Variants in PPRC1 observed in about 807,000 individuals in gnomAD.
PPRC1 encodes PPARG related coactivator 1.
PPRC1 carries 23 observed loss-of-function variants against 132.5 expected under a neutral mutation model. The ratio of observed to expected loss-of-function variants is 0.17; its 90% CI spans 0.12 to 0.25. The LOEUF is 0.25. PPRC1 is among the 10% of genes least tolerant of loss of function. The pLI is 1.00. For synonymous variants in PPRC1, 872 were observed against 833.5 expected, an observed-to-expected ratio of 1.05 and a Z score of -0.80; for missense variants, 2,006 against 2,089.1, an observed-to-expected ratio of 0.96 and a Z score of 0.78.
intron 1 of PPRC1, among the ~76,000 whole-genome samples, chr10:102,135,094 G>A (rs575300863): frequency 6.6e-5 from 10 of 152,208 alleles, no homozygotes; most frequent in Non-Finnish European, 1.5e-4. Flanking sequence ...AGGATAGACC[G>A]ATGATAAATA....
the PPRC1 span, chr10:102,119,952 C>T: frequency 6.8e-6 from 4 of 588,050 alleles, no homozygotes; most frequent in Admixed American, 4.1e-5. Context: ...CCTGAGGCCC[C>T]GCGTAGCCCT....
At chr10:102,143,161 C>T (rs2069071921) in intron 6 of PPRC1, 63 bp downstream of exon 6, 1 of 1,496,268 alleles carries the variant, frequency 6.7e-7, no homozygotes, top group South Asian at 1.2e-5. Flanking sequence ...TGGGCCCAGC[C>T]CTGTAGTTGC....
the PPRC1 span, among the ~76,000 whole-genome samples, chr10:102,125,493 C>A: frequency 6.6e-6 from 1 of 151,564 alleles, no homozygotes; most frequent in Non-Finnish European, 1.5e-5. Flanking sequence ...CTCTTGACCT[C>A]ATGATCCGCC....
At chr10:102,128,801 A>G (rs2068499757), upstream of PPRC1, among the ~76,000 whole-genome samples, 1 of 150,108 alleles carries the variant, frequency 6.7e-6, no homozygotes, top group Non-Finnish European at 1.5e-5. Context: ...TTTTTGGTAG[A>G]GACGGGGTTT....
chr10:102,128,243 G>C (rs2068492345), upstream of PPRC1, among the ~76,000 whole-genome samples: 1 of 151,830 alleles, frequency 6.6e-6, no homozygotes, highest in South Asian at 2.1e-4. Context: ...TGGTTCAAGC[G>C]ATTCTGCTGC....
At position 102,148,305 on chromosome 10, in the gene PPRC1, C is replaced by T. The variant is rs1170429436; in HGVS notation, c.4401-67C>T. On this transcript the variant is annotated intron_variant, in intron 9 of 13. Coordinates refer to ENST00000278070, the MANE Select transcript of PPRC1 (RefSeq NM_015062.5). This position sits in a 1 kb window ranked among gnomAD's most constrained non-coding sequence, Gnocchi z 4.2. ...CCTAAAAGAAAGGCAGGACTGGGGC[C>T]TGGGTGAGATAAGCAGAGTATACCT... 1 of 1,550,708 alleles carries T rather than the reference C, an allele frequency of 6.4e-7. No individual in the cohort carries two copies. The highest frequency in any genetic ancestry group is 8.8e-7 in the Non-Finnish European group (1 of 1,140,380).
At position 102,146,926 on chromosome 10, in the gene PPRC1, C is replaced by CTAG. The variant is rs768591586; in HGVS notation, c.3936_3938dup (p.Val1313dup). 3.1e-6 allele frequency: 5 copies of CTAG among 1,614,140 alleles called. No individual in the cohort carries two copies. In the Admixed American group the frequency reaches 8.3e-5, roughly 27 times the overall value. ...GACCCCCCCAAAAAAGATGCCTGCCCTAGTCATTCCAGAGGTGGGCTCCCG... is the reference window on the plus strand; with the variant it reads ...GACCCCCCCAAAAAAGATGCCTGCCCTAGTAGTCATTCCAGAGGTGGGCTCCCG... On this transcript the variant is annotated inframe_insertion, in exon 9 of 14. Transcript: ENST00000278070.
At chr10:102,145,216 C>CA in intron 8 of PPRC1, 126 bp downstream of exon 8, 1 of 898,194 alleles carries the variant, frequency 1.1e-6, no homozygotes, top group Non-Finnish European at 1.7e-6. Flanking sequence ...TTGAGATACT[C>CA]ACAGTCTAGG....
Position 102,146,894 on chromosome 10 carries a change from G to A in PPRC1, c.3902G>A (p.Arg1301Gln), listed in dbSNP as rs746405708. 6.2e-6 allele frequency: 10 copies of A among 1,613,852 alleles called. No individual in the cohort carries two copies. Among genetic ancestry groups the A allele is most frequent in the East Asian group, 2.2e-5 (1 of 44,876 alleles). The change falls in exon 9 of 14, where the codon CGG (arginine) becomes CAG (glutamine). Residue 1301 changes from arginine (R) to glutamine (Q), a missense_variant. Physicochemically the swap from Arg to Gln is conservative, Grantham distance 43 (BLOSUM62 1). Coordinates refer to ENST00000278070, the MANE Select transcript of PPRC1 (RefSeq NM_015062.5). ...TCTGGGGACCATGACTATTGTGTCC[G>A]GAGCAGGACCCCCCCAAAAAAGATG... ...VGSGDHDYCV[R>Q]SRTPPKKMPA... is the part of the protein sequence containing the mutation.
At chr10:102,120,789 G>A in the PPRC1 span, among the ~76,000 whole-genome samples, 1 of 152,324 alleles carries the variant, frequency 6.6e-6, no homozygotes. Context: ...GTCTGGCTGA[G>A]CCGGAGCGGG....
chr10:102,138,696 T>C lies in PPRC1; in HGVS notation c.420T>C (p.Ser140=). Residue 140 remains serine (S), a synonymous_variant, in exon 3 of 14, where the codon TCT becomes TCC. Transcript: ENST00000278070. ...ALTEILDNAD[S]ENLSPFDSIP... is the part of the protein sequence containing the mutation. ...CGGAGATCTTGGACAATGCAGATTCTGAGAACCTTTCTCCATTTGACAGCA... is the reference window on the plus strand; with the variant it reads ...CGGAGATCTTGGACAATGCAGATTCCGAGAACCTTTCTCCATTTGACAGCA... The C allele has an allele frequency of 6.2e-7, 1 of 1,614,236 alleles. No individual in the cohort carries two copies. Among genetic ancestry groups the C allele is most frequent in the Non-Finnish European group, 8.5e-7 (1 of 1,180,026 alleles).
Position 102,140,327 on chromosome 10 carries a change from G to C in PPRC1, c.1819G>C (p.Val607Leu). Residue 607 changes from valine to leucine, a missense_variant, in exon 5 of 14, where the codon GTT (valine) becomes CTT (leucine). Val to Leu is a conservative substitution (Grantham distance 32). Transcript: ENST00000278070. ...CCCTGTTCTAGCTGGCCCTGTACCTGTTGACCCTGGGTTGGTTGACCTTGC... is the reference window on the plus strand; with the variant it reads ...CCCTGTTCTAGCTGGCCCTGTACCTCTTGACCCTGGGTTGGTTGACCTTGC... ...VGPVLAGPVPVDPGLVDLAST... is the reference protein window; with the variant it reads ...VGPVLAGPVPLDPGLVDLAST... 6.2e-7 allele frequency: 1 copy of C among 1,614,204 alleles called. No individual in the cohort carries two copies. Among genetic ancestry groups the C allele is most frequent in the Non-Finnish European group, 8.5e-7 (1 of 1,180,048 alleles).
chr10:102,135,106 TAATG>T (rs758885247), intron 1 of PPRC1, among the ~76,000 whole-genome samples: 8 of 152,210 alleles, frequency 5.3e-5, no homozygotes, highest in Non-Finnish European at 8.8e-5. Context: ...TGATAAATAA[TAATG>T]AATGAGACAA....
In PPRC1 at chr10:102,146,987, A is replaced by C; in HGVS notation, c.3995A>C (p.Lys1332Thr). Residue 1332 changes from lysine to threonine, a missense_variant, in exon 9 of 14, where the codon AAA becomes ACA. Around this residue, in one of 2 missense-constraint regions of PPRC1, gnomAD observed 1,914 missense variants for 1,917.2 expected, o/e 1.00. Coordinates refer to ENST00000278070, the MANE Select transcript of PPRC1 (RefSeq NM_015062.5). ...NVKRHQDITI[K>T]PVLSLGPAAP... ...AAGCGCCATCAGGACATCACCATCA[A>C]ACCTGTCTTGTCCTTGGGCCCAGCT... 1 of 1,614,014 alleles carries C rather than the reference A, an allele frequency of 6.2e-7. No homozygotes were observed. The highest frequency in any genetic ancestry group is 1.1e-5 in the South Asian group (1 of 91,072).
At chr10:102,142,991 G>A in intron 5 of PPRC1, 54 bp from the exon 6 acceptor site, 2 of 1,500,280 alleles carry the variant, frequency 1.3e-6, no homozygotes, top group African/African-American at 1.4e-5. Flanking sequence ...CCTGGGACCT[G>A]TGTACTAAGT....
the PPRC1 span, among the ~76,000 whole-genome samples, chr10:102,126,458 CTTT>C: frequency 3.6e-5 from 5 of 140,106 alleles, no homozygotes; most frequent in Admixed American, 7.2e-5. Flanking sequence ...TGAACTATAA[CTTT>C]TTTTTTTTTT....
At chr10:102,123,902 G>A in the PPRC1 span, among the ~76,000 whole-genome samples, 1,311 of 142,288 alleles carry the variant, frequency 9.2e-3, 13 homozygotes, top group African/African-American at 0.033. Context: ...GTGCAATGGC[G>A]CAATTTCAGC....
the PPRC1 span, among the ~76,000 whole-genome samples, chr10:102,127,020 CATATATATAT>C: frequency 4.7e-3 from 416 of 87,868 alleles, 1 homozygote; most frequent in African/African-American, 0.016. Flanking sequence ...GGTTTTTTAT[CATATATATAT>C]ATATATATAT....
chr10:102,144,363 A>G, intron 7 of PPRC1, 56 bp downstream of exon 7: 3 of 1,532,388 alleles, frequency 2.0e-6, no homozygotes, highest in Non-Finnish European at 2.7e-6. Context: ...CAGCCGGCTG[A>G]CACTCCAGGA....
Sources: gnomAD v4.1 joint callset for allele counts (sites outside exome capture counted in the v4.1 genomes callset) on GRCh38, gnomAD v4.1.1 for gene constraint, gnomAD v4.1.1 regional missense constraint, Gnocchi (gnomAD v3.1) non-coding constraint, MANE v1.5 for transcripts, NCBI Gene and HGNC (gene_info 2026-07-23, HGNC 2026-07-21) for gene names.